The following TM6SF2 variants were observed in gnomAD, a reference collection of about 807,000 sequenced individuals.
TM6SF2 encodes transmembrane 6 superfamily member 2.
In TM6SF2, 29 loss-of-function variants were observed where a neutral mutation model predicts 41.0. The ratio of observed to expected loss-of-function variants is 0.71; its 90% confidence interval spans 0.53 to 0.96. The LOEUF (loss-of-function observed/expected upper bound fraction) is 0.96. Among genes scored for constraint, TM6SF2 ranks in the 50% least tolerant of loss-of-function variants. The probability of loss-of-function intolerance (pLI) is 0.00; values close to 1 mark genes in which losing one functional copy is unlikely to be tolerated. For missense variants in TM6SF2, 475 were observed against 499.0 expected, an observed-to-expected ratio of 0.95 and a Z score of 0.46; for synonymous variants, 200 against 209.1, an observed-to-expected ratio of 0.96 and a Z score of 0.37.
chr19:19,270,293 G>C lies in TM6SF2; in HGVS notation c.298-17C>G. 6.2e-7 allele frequency: 1 copy of C among 1,614,212 alleles called. No individual in the cohort carries two copies. The highest frequency in any genetic ancestry group is 8.5e-7 in the Non-Finnish European group (1 of 1,180,020). ...TGGCTCTCCCTGTGGGGGCAGGTGG[G>C]AGACTCAGACGGGCAGTGCGGTAGG... On this transcript the variant is annotated splice_polypyrimidine_tract_variant and intron_variant, in intron 3 of 9. Coordinates refer to ENST00000389363, the MANE Select transcript of TM6SF2 (RefSeq NM_001001524.3).
intron 1 of TM6SF2, 89 bp downstream of exon 1, chr19:19,273,032 G>C: frequency 3.8e-6 from 4 of 1,055,748 alleles, no homozygotes; most frequent in Non-Finnish European, 5.1e-6. Flanking sequence ...CGCGGACCGC[G>C]CATCCTCCCT....
At chr19:19,266,410 AG>A in intron 9 of TM6SF2, 79 bp downstream of exon 9, 1 of 1,573,788 alleles carries the variant, frequency 6.4e-7, no homozygotes, top group Non-Finnish European at 8.7e-7. Context: ...TACAGTGCCC[AG>A]GGAGGACACC....
rs762607638 is a variant in TM6SF2 at position 19,264,793 on chromosome 19, G to C, written c.1005C>G (p.Cys335Trp). Residue 335 changes from cysteine to tryptophan, a missense_variant, in exon 10 of 10, where the codon TGC becomes TGG. Transcript: ENST00000389363. ...CATACAGCAGATTGCACACGAAGAA[G>C]CAGCCCCAGGTGTCCTCAGGCACAC... is the stretch of plus-strand genomic sequence containing the variant. ...TYRVPEDTWGCFFVCNLLYAL... is the reference protein window; with the variant it reads ...TYRVPEDTWGWFFVCNLLYAL... 1.2e-6 allele frequency: 2 copies of C among 1,609,416 alleles called. No homozygotes were observed. The highest frequency in any genetic ancestry group is 2.7e-5 in the African/African-American group (2 of 74,678).
chr19:19,264,700 G>T lies in TM6SF2; in HGVS notation c.1098C>A (p.Pro366=). ...QWPAFFHQPP[P]SDPLALHKKQ... ...TCTTGTGGAGGGCTAGGGGGTCGGA[G>T]GGTGGTGGCTGGTGGAAGAATGCGG... is the stretch of plus-strand genomic sequence containing the variant. The change falls in exon 10 of 10, where the codon CCC becomes CCA. Residue 366 remains proline, a synonymous_variant. Coordinates refer to ENST00000389363, the MANE Select transcript of TM6SF2 (RefSeq NM_001001524.3). The T allele has an allele frequency of 6.3e-7, 1 of 1,580,818 alleles. No individual in the cohort carries two copies. The highest frequency in any genetic ancestry group is 8.6e-7 in the Non-Finnish European group (1 of 1,162,210).
At chr19:19,272,718 T>TGC in intron 1 of TM6SF2, among the ~76,000 whole-genome samples, 1 of 148,616 alleles carries the variant, frequency 6.7e-6, no homozygotes, top group Admixed American at 6.8e-5. Context: ...TGTGTGTGTG[T>TGC]GTGTGTGTGT....
At chr19:19,268,528 A>G in intron 6 of TM6SF2, 102 bp downstream of exon 6, 1 of 1,454,624 alleles carries the variant, frequency 6.9e-7, no homozygotes, top group Non-Finnish European at 9.1e-7. Flanking sequence ...TCTTGTGACA[A>G]AGGAGAACCT....
intron 8 of TM6SF2, among the ~76,000 whole-genome samples, chr19:19,267,404 A>G (rs1411157801): frequency 2.0e-5 from 3 of 151,608 alleles, no homozygotes; most frequent in Non-Finnish European, 2.9e-5. Flanking sequence ...AAGAAAGAAA[A>G]GAAAGGAAAA....
chr19:19,270,968 G>A (rs2061021750), intron 2 of TM6SF2, 54 bp downstream of exon 2: 1 of 1,474,052 alleles, frequency 6.8e-7, no homozygotes, highest in African/African-American at 1.4e-5. Context: ...CAAGTCTGAG[G>A]GTGGAGGCCC....
chr19:19,264,505 G>C lies in TM6SF2; in HGVS notation c.*159C>G. Reference sequence around the variant, plus strand: ...GCTCTCCTTGCAGGAACACTTGGTCGTTGGTCTCCATCCCACCCACTGGAC... The same window carrying C: ...GCTCTCCTTGCAGGAACACTTGGTCCTTGGTCTCCATCCCACCCACTGGAC... On this transcript the variant is annotated 3_prime_UTR_variant, in exon 10 of 10. Transcript: ENST00000389363. 1.9e-6 allele frequency: 1 copy of C among 514,258 alleles called. No individual in the cohort carries two copies. Among genetic ancestry groups the C allele is most frequent in the Non-Finnish European group, 3.1e-6 (1 of 323,560 alleles). 31.9% of individuals were successfully genotyped at this position (514,258 alleles called of 1,614,324 possible).
Position 19,269,262 on chromosome 19 carries a change from C to A in TM6SF2, c.484+425G>T, listed in dbSNP as rs554245111. On this transcript the variant is annotated intron_variant, in intron 5 of 9. Transcript: ENST00000389363. ...ATTTACCTTCTGAATATGGATCCTA[C>A]CTTCCAGTGGGTTCTTTGCTTCCTA... Among the ~76,000 whole-genome samples, 161 of 152,302 alleles carry A rather than the reference C, an allele frequency of 1.1e-3. No homozygotes were observed. In the South Asian group the frequency reaches 0.013, roughly 12 times the overall value.
intron 6 of TM6SF2, 120 bp from the exon 7 acceptor site, chr19:19,268,207 T>C (rs1225218606): frequency 1.4e-6 from 1 of 699,350 alleles, no homozygotes; most frequent in Admixed American, 3.4e-5. Context: ...TTTTCTTTTT[T>C]CTTTTTTTTT....
At position 19,270,012 on chromosome 19, in the gene TM6SF2, C is replaced by T. The variant is rs191881625; in HGVS notation, c.401+161G>A. The T allele has an allele frequency of 1.3e-5, 19 of 1,505,910 alleles. No individual in the cohort carries two copies. In the East Asian group the frequency reaches 3.0e-4, roughly 24 times the overall value. The allele number at this position is 1,505,910 out of a possible 1,614,324, so 93.3% of individuals were successfully genotyped here. ...GCTAGGCCACCACCTACACCTGAGA[C>T]GTTCCCTGGAACCTTCTCCTGGCCA... On this transcript the variant is annotated intron_variant, in intron 4 of 9. Coordinates refer to ENST00000389363, the MANE Select transcript of TM6SF2 (RefSeq NM_001001524.3).
Position 19,273,283 on chromosome 19 carries a change from G to A in TM6SF2, c.-68C>T, listed in dbSNP as rs1032238078. 1.1e-5 allele frequency: 13 copies of A among 1,201,198 alleles called. No homozygotes were observed. The highest frequency in any genetic ancestry group is 1.6e-5 in the African/African-American group (1 of 62,776). The allele number at this position is 1,201,198 out of a possible 1,614,324, so 74.4% of individuals were successfully genotyped here. A position where few individuals can be genotyped will look rare whatever the true frequency, so the allele number is the denominator to read the frequency against. On this transcript the variant is annotated 5_prime_UTR_variant, in exon 1 of 10. Transcript: ENST00000389363. Reference sequence around the variant, plus strand: ...CAGGGCGCTCGGCTCCTCGTTGGCGGCGAGTCCGGGCCGAGGCTGCCAGGG... The same window carrying A: ...CAGGGCGCTCGGCTCCTCGTTGGCGACGAGTCCGGGCCGAGGCTGCCAGGG...
At chr19:19,270,313 G>A (rs370326434) in intron 3 of TM6SF2, 32 bp downstream of exon 3, 9 of 1,614,022 alleles carry the variant, frequency 5.6e-6, no homozygotes, top group African/African-American at 2.7e-5. Flanking sequence ...CGGGCAGTGC[G>A]GTAGGGGGCT....
intron 1 of TM6SF2, among the ~76,000 whole-genome samples, chr19:19,271,980 C>CT (rs746913530): frequency 1.9e-4 from 29 of 152,228 alleles, no homozygotes; most frequent in Non-Finnish European, 3.7e-4. Flanking sequence ...ACTTCATTGT[C>CT]TGACGCTCCC....
chr19:19,267,367 TAAAAAAAA>T (rs764335067), intron 8 of TM6SF2, among the ~76,000 whole-genome samples: 1 of 116,992 alleles, frequency 8.5e-6, no homozygotes, highest in Admixed American at 8.7e-5. Flanking sequence ...AAACTCTGTT[TAAAAAAAA>T]AAAAAAAAAA....
chr19:19,273,061 T>TGCGCC, intron 1 of TM6SF2, 60 bp downstream of exon 1: 1 of 305,470 alleles, frequency 3.3e-6, no homozygotes, highest in Non-Finnish European at 6.1e-6. Context: ...CCTCCAGTCC[T>TGCGCC]CCCCGCCCCC....
chr19:19,270,678 A>T (rs2061020465), intron 2 of TM6SF2, among the ~76,000 whole-genome samples: 1 of 152,146 alleles, frequency 6.6e-6, no homozygotes, highest in Non-Finnish European at 1.5e-5. Flanking sequence ...TTTGATTCAG[A>T]GGCCCAGTGC....
chr19:19,268,090 G>C lies in TM6SF2; in HGVS notation c.610-3C>G, dbSNP rs762013546. On this transcript the variant is annotated splice_polypyrimidine_tract_variant and splice_region_variant and intron_variant, in intron 6 of 9. Coordinates refer to ENST00000389363, the MANE Select transcript of TM6SF2 (RefSeq NM_001001524.3). ...CCCTTTCTTTGTTCCTCTTGCACCT[G>C]GCCCAGGGGAGAGAAACAGACAGCA... 5.9e-5 allele frequency: 95 copies of C among 1,611,166 alleles called. No homozygotes were observed. The highest frequency in any genetic ancestry group is 7.8e-5 in the Non-Finnish European group (92 of 1,178,164).
Sources: allele counts gnomAD v4.1 joint callset (sites outside exome capture counted in the v4.1 genomes callset), GRCh38; gene constraint gnomAD v4.1.1; transcripts MANE v1.5; gene names NCBI Gene and HGNC (gene_info 2026-07-23, HGNC 2026-07-21).